Variants in CTNNA3 observed in about 807,000 individuals in gnomAD.
CTNNA3 encodes the protein catenin alpha 3.
A neutral mutation model predicts 95.7 loss-of-function variants in CTNNA3; 76 were observed. That is an observed-to-expected ratio of 0.79 (90% CI 0.66 to 0.96). The LOEUF is 0.96. Ranked by LOEUF, CTNNA3 falls within the 40% of genes least tolerant of loss-of-function variation. The pLI is 0.00. For synonymous variants in CTNNA3, 431 were observed against 374.4 expected, an observed-to-expected ratio of 1.15 and a Z score of -1.74; for missense variants, 1,191 against 1,089.8, an observed-to-expected ratio of 1.09 and a Z score of -1.31.
chr10:66,137,504 A>T (rs1013750337), intron 13 of CTNNA3, among the ~76,000 whole-genome samples: 3 of 152,198 alleles, frequency 2.0e-5, no homozygotes, highest in Admixed American at 2.0e-4. Flanking sequence ...GGACAGAAAA[A>T]AATTTAAAAC....
At chr10:66,005,864 T>C (rs1360040636) in intron 15 of CTNNA3, among the ~76,000 whole-genome samples, 1 of 152,072 alleles carries the variant, frequency 6.6e-6, no homozygotes, top group Non-Finnish European at 1.5e-5. Context: ...ATATAAATAC[T>C]GCATACTTAA....
At chr10:66,308,414 T>C (rs2091959732) in intron 12 of CTNNA3, among the ~76,000 whole-genome samples, 1 of 152,180 alleles carries the variant, frequency 6.6e-6, no homozygotes, top group South Asian at 2.1e-4. Context: ...GATTTGAAAA[T>C]GGGTATATCT....
chr10:66,779,469 G>A (rs1840445272), intron 7 of CTNNA3, among the ~76,000 whole-genome samples: 1 of 151,910 alleles, frequency 6.6e-6, no homozygotes, highest in Non-Finnish European at 1.5e-5. Context: ...TGATTCTCCT[G>A]CCTTAGCCTC....
intron 7 of CTNNA3, among the ~76,000 whole-genome samples, chr10:66,883,878 G>T (rs544389310): frequency 6.6e-6 from 1 of 152,192 alleles, no homozygotes; most frequent in African/African-American, 2.4e-5. Context: ...AGTTCATTAT[G>T]TGTTGCTAAA....
intron 14 of CTNNA3, among the ~76,000 whole-genome samples, chr10:66,075,746 G>A (rs1396666364): frequency 6.6e-6 from 1 of 151,660 alleles, no homozygotes; most frequent in Non-Finnish European, 1.5e-5. Context: ...GTCCCAGAAA[G>A]GGGAAATGAC....
intron 7 of CTNNA3, among the ~76,000 whole-genome samples, chr10:67,124,268 A>G (rs886884755): frequency 6.6e-6 from 1 of 151,602 alleles, no homozygotes; most frequent in Non-Finnish European, 1.5e-5. Flanking sequence ...ATTATGATTA[A>G]TGGGAGCCAG....
intron 1 of CTNNA3, among the ~76,000 whole-genome samples, chr10:67,708,447 T>C (rs927082912): frequency 6.6e-6 from 1 of 152,118 alleles, no homozygotes; most frequent in Non-Finnish European, 1.5e-5. Flanking sequence ...GCTTTGAAAA[T>C]CACAATCATT....
chr10:66,405,819 C>T (rs945141813), intron 11 of CTNNA3, among the ~76,000 whole-genome samples: 3 of 152,128 alleles, frequency 2.0e-5, no homozygotes, highest in African/African-American at 7.2e-5. Flanking sequence ...TCAAACTAAA[C>T]CTCCTGGTTT....
intron 11 of CTNNA3, among the ~76,000 whole-genome samples, chr10:66,502,649 T>C (rs116559750): frequency 0.01 from 1,579 of 152,242 alleles, 29 homozygotes; most frequent in African/African-American, 0.037. Flanking sequence ...AAAATTTCTC[T>C]TTTTAACATA....
At chr10:66,641,072 T>C (rs1326792455) in intron 9 of CTNNA3, among the ~76,000 whole-genome samples, 1 of 152,170 alleles carries the variant, frequency 6.6e-6, no homozygotes, top group Admixed American at 6.5e-5. Flanking sequence ...TATATGTATA[T>C]ATGTAGTAGA....
intron 9 of CTNNA3, among the ~76,000 whole-genome samples, chr10:66,757,114 T>C (rs1484101474): frequency 2.0e-5 from 3 of 152,038 alleles, no homozygotes; most frequent in Admixed American, 2.0e-4. Flanking sequence ...TGGGGACGAG[T>C]AGAGGCCAAC....
chr10:66,753,483 T>C (rs1839240746), intron 9 of CTNNA3, among the ~76,000 whole-genome samples: 1 of 151,944 alleles, frequency 6.6e-6, no homozygotes, highest in Non-Finnish European at 1.5e-5. Flanking sequence ...GCCAACATGG[T>C]GAAACCCTGT....
intron 10 of CTNNA3, among the ~76,000 whole-genome samples, chr10:66,617,537 A>C (rs1844566662): frequency 6.6e-6 from 1 of 152,168 alleles, no homozygotes; most frequent in Admixed American, 6.6e-5. Flanking sequence ...CTCTCAATAA[A>C]TCAGGTATTG....
At chr10:67,021,855 A>G (rs1853034773) in intron 7 of CTNNA3, among the ~76,000 whole-genome samples, 1 of 152,200 alleles carries the variant, frequency 6.6e-6, no homozygotes, top group African/African-American at 2.4e-5. Flanking sequence ...AGAAATAAAC[A>G]GGAGTGAAGT....
intron 1 of CTNNA3, among the ~76,000 whole-genome samples, chr10:67,751,930 T>G (rs1248865566): frequency 6.6e-6 from 1 of 151,962 alleles, no homozygotes; most frequent in African/African-American, 2.4e-5. Context: ...CTGTAATTAT[T>G]CCAAACAACT....
intron 11 of CTNNA3, among the ~76,000 whole-genome samples, chr10:66,394,723 T>C (rs1297170038): frequency 1.3e-5 from 2 of 151,964 alleles, no homozygotes; most frequent in Non-Finnish European, 2.9e-5. Flanking sequence ...TGCTCGATTG[T>C]CTTATAAAAA....
intron 10 of CTNNA3, among the ~76,000 whole-genome samples, chr10:66,582,998 A>G (rs1417209389): frequency 6.6e-6 from 1 of 151,782 alleles, no homozygotes; most frequent in Non-Finnish European, 1.5e-5. Flanking sequence ...CCATGTGAAT[A>G]TAGTGGATTA....
At chr10:66,309,934 TAAATAAATAAATAAATAA>T (rs1038001845) in intron 12 of CTNNA3, among the ~76,000 whole-genome samples, 2 of 142,732 alleles carry the variant, frequency 1.4e-5, no homozygotes, top group African/African-American at 5.2e-5. Flanking sequence ...AATAAATAAA[TAAATAAATAAATAAATAA>T]ATAAAATAAA....
intron 2 of CTNNA3, among the ~76,000 whole-genome samples, chr10:67,634,404 T>G (rs568942935): frequency 1.1e-3 from 165 of 152,200 alleles, no homozygotes; most frequent in African/African-American, 3.7e-3. Flanking sequence ...GTGACACTAT[T>G]AAGCAACTAC....
Sources: gnomAD v4.1 joint callset for allele counts (sites outside exome capture counted in the v4.1 genomes callset) on GRCh38, gnomAD v4.1.1 for gene constraint, MANE v1.5 for transcripts, NCBI Gene and HGNC (gene_info 2026-07-23, HGNC 2026-07-21) for gene names.